Variants in MYH11 observed in about 807,000 individuals in gnomAD.
The protein encoded by MYH11 is myosin-11.
In MYH11, 80 loss-of-function variants were observed where a neutral mutation model predicts 246.6. The observed-to-expected ratio is 0.32, with a 90% CI of 0.27 to 0.39. The LOEUF (loss-of-function observed/expected upper bound fraction) is 0.39. Ranked by LOEUF, MYH11 falls within the 10% of genes least tolerant of loss-of-function variation. MYH11 has a pLI of 1.00. For missense variants in MYH11, 2,158 were observed against 2,546.8 expected (o/e 0.85, Z 3.29); for synonymous variants, 1,071 against 1,015.5 (o/e 1.05, Z -1.04).
At chr16:15,818,796 T>C (rs2043327862) in intron 3 of MYH11, among the ~76,000 whole-genome samples, 1 of 152,198 alleles carries the variant, frequency 6.6e-6, no homozygotes, top group South Asian at 2.1e-4. Context: ...CATGCCAAAA[T>C]AGACGAGGGC....
chr16:15,725,030 G>A lies in MYH11; in HGVS notation c.3859-38C>T, dbSNP rs750803830. On this transcript the variant is annotated intron_variant, in intron 28 of 40. Transcript: ENST00000300036. ...AGAGACTGGTTAGTCAAAGCCTCTA[G>A]AAGGGGATCCTCGTTGAAAGGAGCC... 37 of 1,577,004 alleles carry A rather than the reference G, an allele frequency of 2.3e-5. No homozygotes were observed. In the South Asian group the frequency reaches 2.4e-4, roughly 10 times the overall value.
chr16:15,788,075 A>ATC (rs1019378476), intron 4 of MYH11, among the ~76,000 whole-genome samples: 4 of 42,722 alleles, frequency 9.4e-5, no homozygotes, highest in African/African-American at 5.2e-4. Context: ...ATGAAGGTAG[A>ATC]TCTTTTTTTT....
At chr16:15,717,460 G>A in intron 37 of MYH11, 112 bp from the exon 38 acceptor site, 1 of 1,108,186 alleles carries the variant, frequency 9.0e-7, no homozygotes, top group East Asian at 2.5e-5. Context: ...CTTGATCCCG[G>A]GCACCCTGTC....
At chr16:15,758,032 C>T (rs760507402) in intron 12 of MYH11, 32 bp from the exon 13 acceptor site, 4 of 1,612,474 alleles carry the variant, frequency 2.5e-6, no homozygotes, top group Non-Finnish European at 3.4e-6. Flanking sequence ...GGGGCGTGAG[C>T]ATCTTGGTAT....
chr16:15,842,985 C>T (rs2044095111), intron 1 of MYH11, among the ~76,000 whole-genome samples: 1 of 152,084 alleles, frequency 6.6e-6, no homozygotes, highest in African/African-American at 2.4e-5. Context: ...TCCAGTTACC[C>T]TATCTTAAAA....
intron 3 of MYH11, among the ~76,000 whole-genome samples, chr16:15,819,865 C>T (rs12923560): frequency 0.086 from 13,090 of 152,180 alleles, 657 homozygotes; most frequent in Middle Eastern, 0.12. Flanking sequence ...CAAAAGTATT[C>T]TTCAATGACT....
chr16:15,744,007 A>G (rs911871370), intron 20 of MYH11, among the ~76,000 whole-genome samples: 9 of 152,222 alleles, frequency 5.9e-5, no homozygotes, highest in African/African-American at 2.2e-4. Flanking sequence ...GAGGTGGCTC[A>G]TGCCTGTAAT....
At chr16:15,816,314 A>G (rs142248331) in intron 3 of MYH11, among the ~76,000 whole-genome samples, 1 of 152,326 alleles carries the variant, frequency 6.6e-6, no homozygotes, top group East Asian at 1.9e-4. Context: ...TATCAATATG[A>G]TATCCAATAC....
intron 7 of MYH11, among the ~76,000 whole-genome samples, chr16:15,778,178 C>T (rs1391635794): frequency 3.9e-5 from 6 of 152,186 alleles, no homozygotes; most frequent in African/African-American, 1.4e-4. Context: ...CACTTCACCG[C>T]TCAGGTTCAT....
chr16:15,742,934 G>C (rs1018300787), intron 20 of MYH11, among the ~76,000 whole-genome samples: 1 of 147,852 alleles, frequency 6.8e-6, no homozygotes, highest in Non-Finnish European at 1.5e-5. Context: ...TCCCACCCCA[G>C]CTCCAGAGTA....
chr16:15,794,043 A>T (rs2042685273), intron 4 of MYH11, among the ~76,000 whole-genome samples: 1 of 140,916 alleles, frequency 7.1e-6, no homozygotes, highest in African/African-American at 2.7e-5. Context: ...CCCCAGGTTC[A>T]CACCATTCTC....
intron 9 of MYH11, among the ~76,000 whole-genome samples, chr16:15,765,001 TTCTATG>T (rs2151283950): frequency 6.6e-6 from 1 of 152,348 alleles, no homozygotes; most frequent in African/African-American, 2.4e-5. Flanking sequence ...TTAAAATAGT[TTCTATG>T]TCTGAAATCC....
intron 3 of MYH11, among the ~76,000 whole-genome samples, chr16:15,807,551 A>G (rs926240478): frequency 6.6e-6 from 1 of 152,016 alleles, no homozygotes; most frequent in African/African-American, 2.4e-5. Context: ...AGAGCATCCC[A>G]AGCAGAGGGC....
intron 4 of MYH11, among the ~76,000 whole-genome samples, chr16:15,795,613 A>C (rs992159944): frequency 4.6e-5 from 7 of 152,178 alleles, no homozygotes; most frequent in African/African-American, 1.4e-4. Context: ...CTCCATCTCA[A>C]AAACAAACAA....
intron 36 of MYH11, 92 bp from the exon 37 acceptor site, chr16:15,718,530 T>G: frequency 6.7e-7 from 1 of 1,483,608 alleles, no homozygotes; most frequent in Non-Finnish European, 9.0e-7. Flanking sequence ...GGTATTGCCC[T>G]CATCATCTAA....
At chr16:15,763,759 C>CCCCCCAA in intron 10 of MYH11, 37 bp downstream of exon 10, 5 of 1,151,256 alleles carry the variant, frequency 4.3e-6, no homozygotes, top group Non-Finnish European at 6.6e-6. Flanking sequence ...CCCCCCAACC[C>CCCCCCAA]CAAAGTCATT....
chr16:15,849,018 C>T (rs533944528), intron 1 of MYH11, among the ~76,000 whole-genome samples: 1 of 152,344 alleles, frequency 6.6e-6, no homozygotes, highest in East Asian at 1.9e-4. Context: ...GAAATTACTA[C>T]CCAGAACTGC....
chr16:15,747,970 C>T (rs367692319), intron 17 of MYH11, 27 bp from the exon 18 acceptor site: 122 of 1,614,138 alleles, frequency 7.6e-5, no homozygotes, highest in East Asian at 1.3e-4. Flanking sequence ...GAAGTCACCC[C>T]GGGTACCTCC....
chr16:15,794,268 T>C (rs2042691455), intron 4 of MYH11, among the ~76,000 whole-genome samples: 1 of 152,182 alleles, frequency 6.6e-6, no homozygotes, highest in African/African-American at 2.4e-5. Context: ...CTTAACTGCA[T>C]AACCAAACAG....
Sources: allele counts gnomAD v4.1 joint callset (sites outside exome capture counted in the v4.1 genomes callset), GRCh38; gene constraint gnomAD v4.1.1; transcripts MANE v1.5; gene names NCBI Gene and HGNC (gene_info 2026-07-23, HGNC 2026-07-21).